ANKS6: variants seen among roughly 807,000 people sequenced by gnomAD.
The protein encoded by ANKS6 is ankyrin repeat and SAM domain-containing protein 6.
A neutral mutation model predicts 77.9 loss-of-function variants in ANKS6; 47 were observed. That is an observed-to-expected ratio of 0.60 (90% CI 0.48 to 0.77). The LOEUF is 0.77. Among genes scored for constraint, ANKS6 ranks in the 30% least tolerant of loss-of-function variants. ANKS6 has a pLI of 0.00. For synonymous variants in ANKS6, 488 were observed against 501.7 expected (o/e 0.97, Z 0.37); for missense variants, 1,150 against 1,159.1 (o/e 0.99, Z 0.11).
chr9:98,740,263 A>G (rs1383676633), intron 14 of ANKS6, among the ~76,000 whole-genome samples: 2 of 152,156 alleles, frequency 1.3e-5, no homozygotes, highest in African/African-American at 4.8e-5. Flanking sequence ...AGAGGACAGT[A>G]AGATTCTCCC....
chr9:98,787,671 G>A (rs1260092005), intron 2 of ANKS6, among the ~76,000 whole-genome samples: 1 of 152,106 alleles, frequency 6.6e-6, no homozygotes, highest in Non-Finnish European at 1.5e-5. Flanking sequence ...AATTTTACAG[G>A]CCTGATCTTA....
chr9:98,775,651 A>G (rs989034741), intron 8 of ANKS6, among the ~76,000 whole-genome samples: 2 of 152,140 alleles, frequency 1.3e-5, no homozygotes, highest in African/African-American at 2.4e-5. Flanking sequence ...ATCATATCAT[A>G]TTTATACATG....
intron 11 of ANKS6, among the ~76,000 whole-genome samples, chr9:98,766,192 T>C (rs1588369986): frequency 6.6e-6 from 1 of 152,394 alleles, no homozygotes; most frequent in Admixed American, 6.5e-5. Context: ...CCCAGTTTAC[T>C]GCTTCCTGAA....
chr9:98,770,837 A>G lies in ANKS6; in HGVS notation c.1972+59T>C, dbSNP rs1203756465. On this transcript the variant is annotated intron_variant, in intron 10 of 14. Coordinates refer to ENST00000353234, the MANE Select transcript of ANKS6 (RefSeq NM_173551.5). ...TGCAACCTGAATATCCAGGCAGTGC[A>G]CACCCTCAGTCCCAAGGGATCACCC... The G allele has an allele frequency of 6.1e-6, 8 of 1,317,482 alleles. No individual in the cohort carries two copies. In the Admixed American group the frequency reaches 1.6e-4, roughly 27 times the overall value. 81.6% of individuals were successfully genotyped at this position (1,317,482 alleles called of 1,614,324 possible).
Position 98,784,087 on chromosome 9 carries a change from C to CAA in ANKS6, c.977_978insTT (p.Ala327TrpfsTer5). ...CAGCTGCTAGCATCAGTGGCGTCGCCCCGTCCCCATTGACCAAGTTCACGT... is the reference window on the plus strand; with the variant it reads ...CAGCTGCTAGCATCAGTGGCGTCGCCAACCGTCCCCATTGACCAAGTTCACGT... On this transcript the variant is annotated frameshift_variant, in exon 4 of 15. Transcript: ENST00000353234. LOFTEE classifies it high-confidence loss of function. 6.2e-7 allele frequency: 1 copy of CAA among 1,601,082 alleles called. No individual in the cohort carries two copies. The highest frequency in any genetic ancestry group is 8.5e-7 in the Non-Finnish European group (1 of 1,173,024).
intron 14 of ANKS6, among the ~76,000 whole-genome samples, chr9:98,741,849 G>C (rs1170763502): frequency 6.6e-6 from 1 of 152,142 alleles, no homozygotes; most frequent in East Asian, 1.9e-4. Context: ...CAGGTTTTTA[G>C]TTAATACTCA....
chr9:98,796,110 GC>G (rs1283459472), intron 1 of ANKS6, 22 bp downstream of exon 1: 25 of 1,322,264 alleles, frequency 1.9e-5, no homozygotes, highest in Middle Eastern at 2.9e-4. Context: ...CTGGTCCCGG[GC>G]CCCCGGGCCC....
rs754441342 is a variant in ANKS6 at position 98,790,385 on chromosome 9, G to A, written c.581C>T (p.Ala194Val). 1 of 1,613,718 alleles carries A rather than the reference G, an allele frequency of 6.2e-7. No individual in the cohort carries two copies. Among genetic ancestry groups the A allele is most frequent in the Admixed American group, 1.7e-5 (1 of 60,034 alleles). ...GSRDEPLDIT[A>V]LMAAIQHGHE... ...CCCGTGCTGGATGGCAGCCATCAGG[G>A]CTGTGATGTCCAAGGGCTCATCCCT... The change falls in exon 2 of 15, where the codon GCC (alanine) becomes GTC (valine). Residue 194 changes from alanine to valine, a missense_variant. Coordinates refer to ENST00000353234, the MANE Select transcript of ANKS6 (RefSeq NM_173551.5).
In ANKS6 at chr9:98,736,817, C is replaced by A. The variant is rs550180705; in HGVS notation, c.2512-194G>T. ...TGAGTCAGAATCTCCCCAGTACCCA[C>A]CATCGCAGCCTGTCAATGCTGGAGA... On this transcript the variant is annotated intron_variant, in intron 14 of 14. Coordinates refer to ENST00000353234, the MANE Select transcript of ANKS6 (RefSeq NM_173551.5). 2.7e-4 allele frequency among the ~76,000 whole-genome samples: 41 copies of A among 152,306 alleles called. 1 individual carries two copies. The South Asian group carries it at 6.6e-3, about 25-fold the overall frequency.
chr9:98,766,189 T>C (rs1023011725), intron 11 of ANKS6, among the ~76,000 whole-genome samples: 2 of 152,264 alleles, frequency 1.3e-5, no homozygotes, highest in Non-Finnish European at 2.9e-5. Context: ...TTCCCCAGTT[T>C]ACTGCTTCCT....
At chr9:98,754,660 C>T (rs1008281343) in intron 12 of ANKS6, among the ~76,000 whole-genome samples, 2 of 151,672 alleles carry the variant, frequency 1.3e-5, no homozygotes, top group Non-Finnish European at 1.5e-5. Flanking sequence ...AAAAGCTCTT[C>T]GGGGATGGAT....
At chr9:98,753,501 A>G (rs1185794050) in intron 12 of ANKS6, among the ~76,000 whole-genome samples, 1 of 152,188 alleles carries the variant, frequency 6.6e-6, no homozygotes, top group African/African-American at 2.4e-5. Flanking sequence ...ACATGTAGAC[A>G]ATATCTATAA....
intron 10 of ANKS6, among the ~76,000 whole-genome samples, chr9:98,770,527 A>G (rs1436370730): frequency 6.6e-6 from 1 of 152,130 alleles, no homozygotes; most frequent in East Asian, 1.9e-4. Context: ...TCTCTTGCCC[A>G]TTGTGAACTT....
Position 98,745,605 on chromosome 9 carries a change from G to A in ANKS6, c.2465C>T (p.Ser822Phe). ...AATCGCTGCCAGAATCTGCTGCCTG[G>A]ACCCATCTGTCTTAATTCCCAGCTC... ...LKELGIKTDG[S>F]RQQILAAISE... The change falls in exon 14 of 15, where the codon TCC becomes TTC. Residue 822 changes from serine to phenylalanine, a missense_variant. Physicochemically the swap from Ser to Phe is radical, Grantham distance 155. Transcript: ENST00000353234. 6.2e-7 allele frequency: 1 copy of A among 1,614,108 alleles called. No individual in the cohort carries two copies. Among genetic ancestry groups the A allele is most frequent in the Non-Finnish European group, 8.5e-7 (1 of 1,180,014 alleles).
At chr9:98,762,640 T>C (rs1833077068) in intron 11 of ANKS6, among the ~76,000 whole-genome samples, 1 of 152,134 alleles carries the variant, frequency 6.6e-6, no homozygotes, top group South Asian at 2.1e-4. Flanking sequence ...TAAGTGCTTT[T>C]TCTGCATATT....
At chr9:98,752,313 G>C (rs1374877882) in intron 12 of ANKS6, among the ~76,000 whole-genome samples, 2 of 152,218 alleles carry the variant, frequency 1.3e-5, no homozygotes, top group Non-Finnish European at 2.9e-5. Context: ...TCCAGACAGG[G>C]AAGAGCAGGT....
Position 98,778,403 on chromosome 9 carries a change from T to A in ANKS6, c.1390A>T (p.Asn464Tyr). 6.2e-7 allele frequency: 1 copy of A among 1,614,030 alleles called. No individual in the cohort carries two copies. The highest frequency in any genetic ancestry group is 8.5e-7 in the Non-Finnish European group (1 of 1,180,008). Residue 464 changes from asparagine (N) to tyrosine (Y), a missense_variant, in exon 7 of 15, where the codon AAT becomes TAT. Coordinates refer to ENST00000353234, the MANE Select transcript of ANKS6 (RefSeq NM_173551.5). ...ATCAGTTTGAGCTTTCGGAACCGATTGGACATTCGGTTCCACCAGGACTGC... is the reference window on the plus strand; with the variant it reads ...ATCAGTTTGAGCTTTCGGAACCGATAGGACATTCGGTTCCACCAGGACTGC... ...GLKSWWNRMS[N>Y]RFRKLKLMQT...
intron 6 of ANKS6, among the ~76,000 whole-genome samples, chr9:98,779,049 T>C (rs908501242): frequency 6.6e-6 from 1 of 152,148 alleles, no homozygotes; most frequent in African/African-American, 2.4e-5. Context: ...AAGGGAGCTA[T>C]GAGAACAACA....
intron 13 of ANKS6, among the ~76,000 whole-genome samples, chr9:98,747,631 A>G (rs775034744): frequency 9.9e-5 from 15 of 151,454 alleles, no homozygotes; most frequent in South Asian, 2.1e-4. Context: ...CACCATCCCA[A>G]CCCCTAGCAG....
Sources: gnomAD v4.1 joint callset for allele counts (sites outside exome capture counted in the v4.1 genomes callset) on GRCh38, gnomAD v4.1.1 for gene constraint, MANE v1.5 for transcripts, NCBI Gene and HGNC (gene_info 2026-07-23, HGNC 2026-07-21) for gene names.